DOCK4: variants seen among roughly 807,000 people sequenced by gnomAD.
DOCK4 encodes the protein dedicator of cytokinesis protein 4.
A neutral mutation model predicts 268.1 loss-of-function variants in DOCK4; 97 were observed. The ratio of observed to expected loss-of-function variants is 0.36; its 90% CI spans 0.31 to 0.43. The LOEUF is 0.43. Among genes scored for constraint, DOCK4 ranks in the 20% least tolerant of loss-of-function variants. The probability of loss-of-function intolerance (pLI) is 1.00; values close to 1 mark genes in which losing one functional copy is unlikely to be tolerated. For synonymous variants in DOCK4, 954 were observed against 887.2 expected, an observed-to-expected ratio of 1.08 and a Z score of -1.34; for missense variants, 2,145 against 2,455.7, an observed-to-expected ratio of 0.87 and a Z score of 2.67.
intron 22 of DOCK4, among the ~76,000 whole-genome samples, chr7:111,865,107 A>T (rs1805863232): frequency 1.3e-5 from 2 of 152,240 alleles, no homozygotes; most frequent in African/African-American, 2.4e-5. Flanking sequence ...ACACACAGGG[A>T]AAGATAACTA....
At chr7:112,039,634 A>C (rs60585632) in intron 1 of DOCK4, among the ~76,000 whole-genome samples, 3,216 of 152,262 alleles carry the variant, frequency 0.021, 111 homozygotes, top group African/African-American at 0.073. Flanking sequence ...GGGCTAGAGT[A>C]GAGTCGCAGA....
At chr7:112,182,084 A>G (rs146043917) in intron 1 of DOCK4, among the ~76,000 whole-genome samples, 703 of 152,336 alleles carry the variant, frequency 4.6e-3, no homozygotes, top group Non-Finnish European at 6.5e-3. Context: ...CTAGTTTTAC[A>G]TACTTGTCCA....
chr7:112,133,371 C>T (rs1813991915), intron 1 of DOCK4, among the ~76,000 whole-genome samples: 1 of 152,150 alleles, frequency 6.6e-6, no homozygotes, highest in African/African-American at 2.4e-5. Context: ...CACTTTCCTG[C>T]TTAATCTTTT....
intron 1 of DOCK4, among the ~76,000 whole-genome samples, chr7:112,175,658 A>C (rs1048656939): frequency 2.6e-5 from 4 of 152,198 alleles, no homozygotes; most frequent in Admixed American, 2.6e-4. Flanking sequence ...TGATAAACAC[A>C]TAAGTATTAC....
intron 1 of DOCK4, among the ~76,000 whole-genome samples, chr7:112,132,997 A>C (rs1253845613): frequency 6.6e-6 from 1 of 152,220 alleles, no homozygotes; most frequent in East Asian, 1.9e-4. Context: ...CAGGGCTCTT[A>C]AAATTTAGAA....
At chr7:111,902,016 G>GT (rs1204403710) in intron 13 of DOCK4, among the ~76,000 whole-genome samples, 2 of 152,138 alleles carry the variant, frequency 1.3e-5, no homozygotes, top group African/African-American at 2.4e-5. Flanking sequence ...TAGAAACACT[G>GT]TAATTCTACA....
At chr7:112,204,932 G>T (rs901299946) in intron 1 of DOCK4, among the ~76,000 whole-genome samples, 1 of 151,798 alleles carries the variant, frequency 6.6e-6, no homozygotes, top group African/African-American at 2.4e-5. Context: ...CGGCAGAACA[G>T]GGCATTATAG....
At chr7:111,975,325 A>C (rs1474538948) in intron 8 of DOCK4, among the ~76,000 whole-genome samples, 1 of 152,220 alleles carries the variant, frequency 6.6e-6, no homozygotes, top group Non-Finnish European at 1.5e-5. Flanking sequence ...GAATAACTTC[A>C]GTTCTTCCTT....
intron 1 of DOCK4, among the ~76,000 whole-genome samples, chr7:112,046,450 C>T (rs56031125): frequency 0.021 from 3,216 of 152,198 alleles, 109 homozygotes; most frequent in African/African-American, 0.073. Context: ...CCTAAAAATG[C>T]TGCCAAATTG....
intron 7 of DOCK4, among the ~76,000 whole-genome samples, chr7:111,983,835 T>TACACACACACAC (rs1203628305): frequency 8.8e-6 from 1 of 113,242 alleles, no homozygotes; most frequent in African/African-American, 3.7e-5. Context: ...ATTATGTATG[T>TACACACACACAC]ACACACACAC....
chr7:111,738,794 C>T lies in DOCK4; in HGVS notation c.5232+340G>A, dbSNP rs141726059. Among the ~76,000 whole-genome samples, 117 of 152,208 alleles carry T rather than the reference C, an allele frequency of 7.7e-4. 1 individual carries two copies. Among genetic ancestry groups the T allele is most frequent in the African/African-American group, 2.7e-3 (111 of 41,540 alleles). On this transcript the variant is annotated intron_variant, in intron 49 of 52. Transcript: ENST00000428084. ...TTCTATTATAAATACAAAAATTAGC[C>T]ATGTGTGGTGGTGGGCACCTATAAT...
chr7:111,868,011 T>C lies in DOCK4; in HGVS notation c.2253A>G (p.Lys751=), dbSNP rs1422162578. 1.2e-6 allele frequency: 2 copies of C among 1,611,814 alleles called. No homozygotes were observed. The highest frequency in any genetic ancestry group is 1.7e-6 in the Non-Finnish European group (2 of 1,179,032). Reference sequence around the variant, plus strand: ...GTGACTGAGATAATGCTCCAGACCCTTTGCTCTCTTGCGAAAGAAAGAAAC... The same window carrying C: ...GTGACTGAGATAATGCTCCAGACCCCTTGCTCTCTTGCGAAAGAAAGAAAC... ...SVRFFLSQES[K]GSGALSQSQA... is the part of the protein sequence containing the mutation. Residue 751 remains lysine, a synonymous_variant, in exon 22 of 53, where the codon AAA becomes AAG. Transcript: ENST00000428084.
chr7:112,193,900 C>A (rs1304439091), intron 1 of DOCK4, among the ~76,000 whole-genome samples: 2 of 152,120 alleles, frequency 1.3e-5, no homozygotes, highest in South Asian at 2.1e-4. Context: ...TTGCAGACTG[C>A]CACCTTCTTG....
At chr7:111,730,066 T>G (rs920773782) in intron 52 of DOCK4, among the ~76,000 whole-genome samples, 1 of 152,146 alleles carries the variant, frequency 6.6e-6, no homozygotes, top group African/African-American at 2.4e-5. Flanking sequence ...ACTTTGCCAG[T>G]CCCCACTATG....
chr7:111,932,265 T>C lies in DOCK4; in HGVS notation c.1066+3275A>G, dbSNP rs147100805. On this transcript the variant is annotated intron_variant, in intron 12 of 52. Transcript: ENST00000428084. ...ATGTAGCCAACAGTTCAGCATATCA[T>C]GGTGAGTCAAGACCACATCTATGAT... Among the ~76,000 whole-genome samples, 372 of 152,340 alleles carry C rather than the reference T, an allele frequency of 2.4e-3. 1 individual carries two copies. The highest frequency in any genetic ancestry group is 3.3e-3 in the South Asian group (16 of 4,822).
chr7:112,117,976 A>G (rs1326459912), intron 1 of DOCK4, among the ~76,000 whole-genome samples: 1 of 151,994 alleles, frequency 6.6e-6, no homozygotes, highest in Non-Finnish European at 1.5e-5. Context: ...TCATATCACC[A>G]TAAGAAAGAA....
intron 1 of DOCK4, among the ~76,000 whole-genome samples, chr7:112,131,360 G>C (rs530808294): frequency 2.0e-5 from 3 of 152,110 alleles, no homozygotes; most frequent in African/African-American, 7.2e-5. Context: ...CAGGATACGG[G>C]GATGCCAACA....
intron 1 of DOCK4, among the ~76,000 whole-genome samples, chr7:112,191,847 T>C (rs897313672): frequency 5.9e-5 from 9 of 151,854 alleles, no homozygotes; most frequent in Non-Finnish European, 1.3e-4. Context: ...TAAGCATTCA[T>C]CCTAAAGCTG....
chr7:112,045,677 T>G (rs1804766823), intron 1 of DOCK4, among the ~76,000 whole-genome samples: 1 of 152,216 alleles, frequency 6.6e-6, no homozygotes, highest in Admixed American at 6.5e-5. Context: ...AATTGCCCAA[T>G]AATATCTGAG....
Sources: allele counts gnomAD v4.1 joint callset (sites outside exome capture counted in the v4.1 genomes callset), GRCh38; gene constraint gnomAD v4.1.1; transcripts MANE v1.5; gene names NCBI Gene and HGNC (gene_info 2026-07-23, HGNC 2026-07-21).